Variants in EFL1 observed in about 807,000 individuals in gnomAD.
EFL1 encodes the protein elongation factor like GTPase 1.
A neutral mutation model predicts 126.7 loss-of-function variants in EFL1; 76 were observed. That is an observed-to-expected ratio of 0.60 (90% CI 0.50 to 0.73). The LOEUF (loss-of-function observed/expected upper bound fraction) is 0.73, where lower values mean the gene tolerates loss of function less well. Among genes scored for constraint, EFL1 ranks in the 30% least tolerant of loss-of-function variants. EFL1 has a pLI of 0.00. For missense variants in EFL1, 1,128 were observed against 1,343.2 expected (o/e 0.84, Z 2.50); for synonymous variants, 410 against 448.4 (o/e 0.91, Z 1.08).
chr15:82,182,447 C>G (rs1595966169), intron 15 of EFL1, among the ~76,000 whole-genome samples: 1 of 152,118 alleles, frequency 6.6e-6, no homozygotes, highest in Non-Finnish European at 1.5e-5. Context: ...GTAACAGGTT[C>G]CTTTAATGGT....
At chr15:82,176,308 C>T (rs2074195546) in intron 15 of EFL1, among the ~76,000 whole-genome samples, 2 of 152,074 alleles carry the variant, frequency 1.3e-5, no homozygotes, top group Admixed American at 6.6e-5. Context: ...ACACAAAAAG[C>T]GTTAGTCGTA....
chr15:82,178,199 A>G (rs571042954), intron 15 of EFL1, among the ~76,000 whole-genome samples: 1 of 152,366 alleles, frequency 6.6e-6, no homozygotes, highest in East Asian at 1.9e-4. Flanking sequence ...AAGCTTTCAC[A>G]AGACAGACTA....
intron 15 of EFL1, among the ~76,000 whole-genome samples, chr15:82,179,613 T>C (rs889533051): frequency 6.6e-6 from 1 of 152,106 alleles, no homozygotes. Flanking sequence ...AAGAAGGCTA[T>C]ATTTTCTAAG....
At chr15:82,136,042 G>A in intron 19 of EFL1, among the ~76,000 whole-genome samples, 1 of 151,808 alleles carries the variant, frequency 6.6e-6, no homozygotes, top group Admixed American at 6.6e-5. Flanking sequence ...TATTAGAGCA[G>A]TCTTACCTGC....
At chr15:82,261,894 A>C (rs2075124826) in intron 1 of EFL1, 97 bp from the exon 2 acceptor site, 4 of 829,456 alleles carry the variant, frequency 4.8e-6, no homozygotes, top group Admixed American at 5.5e-5. Context: ...AAGCTTCTCA[A>C]ACCCCTTAAA....
chr15:82,262,648 C>A lies in EFL1; in HGVS notation c.-54G>T. On this transcript the variant is annotated 5_prime_UTR_variant, in exon 1 of 20. Coordinates refer to ENST00000268206, the MANE Select transcript of EFL1 (RefSeq NM_024580.6). ...CAGCCCCACCAGCCCCGCTCCTTCT[C>A]TCGGGTCGCACCCACACCGAGAGCT... The A allele has an allele frequency of 2.0e-6, 1 of 488,796 alleles. No homozygotes were observed. The highest frequency in any genetic ancestry group is 3.6e-6 in the Non-Finnish European group (1 of 277,468). The allele number at this position is 488,796 out of a possible 1,614,324, so 30.3% of individuals were successfully genotyped here.
In EFL1 at chr15:82,219,743, G is replaced by A; in HGVS notation, c.1520C>T (p.Ala507Val). The part of the protein sequence containing the change: ...QEENNQESFI[A>V]FARVFSGVAR... ...CACACCACTGAACACCCGAGCAAATGCAATAAAAGACTCTTGGTTGTTTTC... is the reference window on the plus strand; with the variant it reads ...CACACCACTGAACACCCGAGCAAATACAATAAAAGACTCTTGGTTGTTTTC... Residue 507 changes from alanine to valine, a missense_variant, in exon 14 of 20, where the codon GCA (alanine) becomes GTA (valine). By Grantham distance (64) the Ala-to-Val change is moderately conservative. Around this residue, in one of 6 missense-constraint regions of EFL1, gnomAD observed 120 missense variants for 142.1 expected, o/e 0.84. Transcript: ENST00000268206. 1 of 1,614,028 alleles carries A rather than the reference G, an allele frequency of 6.2e-7. No individual in the cohort carries two copies.
intron 19 of EFL1, among the ~76,000 whole-genome samples, chr15:82,137,303 G>C (rs528757467): frequency 1.3e-4 from 20 of 152,094 alleles, no homozygotes; most frequent in South Asian, 6.2e-4. Flanking sequence ...TTAGGCTAAA[G>C]AAAGTGAGAA....
At chr15:82,216,269 G>A (rs1374735057) in intron 14 of EFL1, among the ~76,000 whole-genome samples, 3 of 152,124 alleles carry the variant, frequency 2.0e-5, no homozygotes, top group Non-Finnish European at 4.4e-5. Flanking sequence ...ATTCATGGAT[G>A]GAAAGATGCT....
chr15:82,196,758 G>T (rs2074411843), intron 15 of EFL1, among the ~76,000 whole-genome samples: 1 of 152,242 alleles, frequency 6.6e-6, no homozygotes, highest in Non-Finnish European at 1.5e-5. Context: ...CTTCGGCCGG[G>T]AGCGGTGGCT....
intron 15 of EFL1, among the ~76,000 whole-genome samples, chr15:82,165,586 C>T (rs752149123): frequency 6.6e-6 from 1 of 152,180 alleles, no homozygotes; most frequent in Non-Finnish European, 1.5e-5. Context: ...TATCACCTCG[C>T]TACATTAACA....
At chr15:82,185,872 G>A (rs2074298466) in intron 15 of EFL1, among the ~76,000 whole-genome samples, 1 of 152,052 alleles carries the variant, frequency 6.6e-6, no homozygotes, top group African/African-American at 2.4e-5. Context: ...AAAGTATACA[G>A]TATTTTCTTA....
intron 19 of EFL1, among the ~76,000 whole-genome samples, chr15:82,137,547 G>A (rs1164996156): frequency 6.6e-6 from 1 of 152,144 alleles, no homozygotes; most frequent in Non-Finnish European, 1.5e-5. Context: ...TTGACCTAGG[G>A]GTGAAGAAAA....
chr15:82,138,554 A>C, intron 19 of EFL1, 104 bp downstream of exon 19: 1 of 1,375,290 alleles, frequency 7.3e-7, no homozygotes, highest in Non-Finnish European at 9.9e-7. Flanking sequence ...AGCCATAGGA[A>C]GGCCAAATGG....
chr15:82,153,757 A>G (rs1397498612), intron 17 of EFL1, among the ~76,000 whole-genome samples: 1 of 152,216 alleles, frequency 6.6e-6, no homozygotes, highest in African/African-American at 2.4e-5. Context: ...ATTAATTTGT[A>G]TTAGATCTGT....
At position 82,152,106 on chromosome 15, in the gene EFL1, A is replaced by G. The variant is rs2073917096; in HGVS notation, c.2348T>C (p.Leu783Ser). Residue 783 changes from leucine to serine, a missense_variant, in exon 18 of 20, where the codon TTG becomes TCG. Transcript: ENST00000268206. The stretch of plus-strand genomic sequence containing the variant: ...CATGTGAGTATTTTCACCCTCATTC[A>G]AAGAGGATGTCAACTGCTCCATAGA... ...IRSMEQLTSS[L>S]NEGENTHMIH... 3.7e-6 allele frequency: 6 copies of G among 1,614,114 alleles called. No homozygotes were observed. In the East Asian group the frequency reaches 1.3e-4, roughly 36 times the overall value.
intron 14 of EFL1, among the ~76,000 whole-genome samples, chr15:82,216,751 T>A (rs1229665722): frequency 6.6e-6 from 1 of 152,028 alleles, no homozygotes; most frequent in Non-Finnish European, 1.5e-5. Context: ...ATAAGAGAGT[T>A]TTGTGACTTC....
intron 18 of EFL1, among the ~76,000 whole-genome samples, chr15:82,146,507 T>A (rs1434172696): frequency 6.7e-6 from 1 of 150,158 alleles, no homozygotes; most frequent in Non-Finnish European, 1.5e-5. Context: ...CCCTGGACAC[T>A]AGAAATTGGT....
intron 18 of EFL1, among the ~76,000 whole-genome samples, chr15:82,146,514 T>C (rs991988476): frequency 3.3e-5 from 5 of 151,456 alleles, no homozygotes; most frequent in Admixed American, 1.3e-4. Context: ...CACTAGAAAT[T>C]GGTTATCAAT....
Sources: allele counts gnomAD v4.1 joint callset (sites outside exome capture counted in the v4.1 genomes callset), GRCh38; gene constraint gnomAD v4.1.1; regional missense constraint gnomAD v4.1.1; transcripts MANE v1.5; gene names NCBI Gene and HGNC (gene_info 2026-07-23, HGNC 2026-07-21).